The following PCDH15 variants were observed in gnomAD, a reference collection of about 807,000 sequenced individuals.
PCDH15 encodes the protein protocadherin related 15.
A neutral mutation model predicts 178.5 loss-of-function variants in PCDH15; 129 were observed. The observed-to-expected ratio is 0.72, with a 90% CI of 0.63 to 0.84. PCDH15 has a LOEUF of 0.84. Among genes scored for constraint, PCDH15 ranks in the 40% least tolerant of loss-of-function variants. PCDH15 has a pLI of 0.00. For synonymous variants in PCDH15, 800 were observed against 732.0 expected (o/e 1.09, Z -1.50); for missense variants, 2,230 against 2,099.9 (o/e 1.06, Z -1.21).
At chr10:55,582,263 A>G (rs1382239934) in intron 2 of PCDH15, among the ~76,000 whole-genome samples, 1 of 152,158 alleles carries the variant, frequency 6.6e-6, no homozygotes, top group African/African-American at 2.4e-5. Flanking sequence ...AACAGTTTCT[A>G]AATAGTGGCC....
chr10:55,509,021 C>CA (rs369849281), intron 2 of PCDH15, among the ~76,000 whole-genome samples: 186 of 151,732 alleles, frequency 1.2e-3, no homozygotes, highest in African/African-American at 4.3e-3. Context: ...ACATAAAATA[C>CA]ACTTAATATA....
chr10:54,868,625 A>C (rs1953981255), intron 3 of PCDH15, among the ~76,000 whole-genome samples: 1 of 152,152 alleles, frequency 6.6e-6, no homozygotes, highest in Non-Finnish European at 1.5e-5. Context: ...ATTTCAAATC[A>C]GGCTACTTCT....
At chr10:54,436,041 AGAGAGAGAGAAAAGAAAG>A (rs1565270782) in intron 3 of PCDH15, among the ~76,000 whole-genome samples, 1 of 140,550 alleles carries the variant, frequency 7.1e-6, no homozygotes, top group Non-Finnish European at 1.5e-5. Context: ...GGAGAGAGAG[AGAGAGAGAGAAAAGAAAG>A]AAAGAAAGAA....
intron 15 of PCDH15, among the ~76,000 whole-genome samples, chr10:54,125,232 C>T (rs2041892718): frequency 6.6e-6 from 1 of 151,790 alleles, no homozygotes; most frequent in Non-Finnish European, 1.5e-5. Flanking sequence ...TTTTCTCCTG[C>T]TATTTGTCTC....
At chr10:54,227,863 T>C (rs1212854413) in intron 9 of PCDH15, among the ~76,000 whole-genome samples, 1 of 152,198 alleles carries the variant, frequency 6.6e-6, no homozygotes, top group Non-Finnish European at 1.5e-5. Context: ...CCAGTCTTTT[T>C]GCTAAAACAT....
At position 54,018,217 on chromosome 10, in the gene PCDH15, G is replaced by T. The variant is rs2092804818; in HGVS notation, c.2751+1975C>A. ...ACTAAGGTCCCTCAGAGACATTTGT[G>T]TTGCACATGCAGAATCTGAATGATC... On this transcript the variant is annotated intron_variant, in intron 20 of 37. Transcript: ENST00000644397. Among the ~76,000 whole-genome samples, 4 of 152,078 alleles carry T rather than the reference G, an allele frequency of 2.6e-5. No homozygotes were observed. The South Asian group carries it at 8.3e-4, about 31-fold the overall frequency.
intron 26 of PCDH15, among the ~76,000 whole-genome samples, chr10:53,899,431 T>C (rs61858329): frequency 0.015 from 2,224 of 152,292 alleles, 37 homozygotes; most frequent in Admixed American, 0.018. Flanking sequence ...AATTCACTAC[T>C]CATCTTTTAA....
intron 2 of PCDH15, among the ~76,000 whole-genome samples, chr10:55,526,462 T>C (rs1841303434): frequency 6.6e-6 from 1 of 152,000 alleles, no homozygotes. Flanking sequence ...CAGAATGTAA[T>C]TAATATTTCC....
chr10:53,901,859 G>A (rs2082357519), intron 26 of PCDH15, among the ~76,000 whole-genome samples: 2 of 152,058 alleles, frequency 1.3e-5, no homozygotes, highest in Admixed American at 6.6e-5. Context: ...ATCTAAAATT[G>A]CACCACTCTC....
intron 3 of PCDH15, among the ~76,000 whole-genome samples, chr10:54,433,742 G>A (rs1370643462): frequency 6.6e-6 from 1 of 151,982 alleles, no homozygotes; most frequent in Non-Finnish European, 1.5e-5. Context: ...AGGGGATGGA[G>A]ACTCAATTTT....
At chr10:54,159,859 A>C (rs866252441) in intron 13 of PCDH15, among the ~76,000 whole-genome samples, 4 of 152,238 alleles carry the variant, frequency 2.6e-5, no homozygotes, top group Non-Finnish European at 5.9e-5. Flanking sequence ...GGAAATATTT[A>C]AATGAGTATT....
intron 2 of PCDH15, among the ~76,000 whole-genome samples, chr10:55,604,641 GACTACTGGGTACATA>G (rs1843169167): frequency 1.3e-5 from 2 of 149,150 alleles, no homozygotes. Context: ...GCTCCTGAAT[GACTACTGGGTACATA>G]ACGAAATGAA....
At chr10:55,471,260 T>A (rs1839950397) in intron 2 of PCDH15, among the ~76,000 whole-genome samples, 1 of 152,218 alleles carries the variant, frequency 6.6e-6, no homozygotes, top group Non-Finnish European at 1.5e-5. Flanking sequence ...TTTACTTTAA[T>A]GAGTATAAAA....
At chr10:53,812,003 G>A (rs935000663) in intron 35 of PCDH15, among the ~76,000 whole-genome samples, 1 of 151,944 alleles carries the variant, frequency 6.6e-6, no homozygotes, top group African/African-American at 2.4e-5. Context: ...AGTGATGTTG[G>A]CCTTAAGAAA....
At chr10:54,612,053 G>A (rs1355989934) in intron 2 of PCDH15, among the ~76,000 whole-genome samples, 2 of 151,822 alleles carry the variant, frequency 1.3e-5, no homozygotes, top group Non-Finnish European at 2.9e-5. Context: ...ATGTGTCTTT[G>A]AACCTTCTGG....
intron 21 of PCDH15, among the ~76,000 whole-genome samples, chr10:53,982,565 C>G (rs183398713): frequency 5.3e-4 from 79 of 150,030 alleles, no homozygotes; most frequent in Non-Finnish European, 7.7e-4. Context: ...CAAACTATCA[C>G]AAGGACAAAA....
chr10:54,571,010 G>GT (rs1381944213), intron 2 of PCDH15, among the ~76,000 whole-genome samples: 37 of 151,752 alleles, frequency 2.4e-4, no homozygotes, highest in African/African-American at 9.0e-4. Context: ...GAATTCTTAG[G>GT]TTTGACCTTG....
intron 14 of PCDH15, among the ~76,000 whole-genome samples, chr10:54,141,735 A>G (rs2043428014): frequency 6.6e-6 from 1 of 152,198 alleles, no homozygotes; most frequent in Non-Finnish European, 1.5e-5. Context: ...AAATCCATTT[A>G]TCTCTGATGG....
At chr10:55,474,372 A>G (rs997953180) in intron 2 of PCDH15, among the ~76,000 whole-genome samples, 1 of 152,162 alleles carries the variant, frequency 6.6e-6, no homozygotes, top group African/African-American at 2.4e-5. Flanking sequence ...ATATTTTTGA[A>G]TCATTAAACT....
Sources: gnomAD v4.1 joint callset for allele counts (sites outside exome capture counted in the v4.1 genomes callset) on GRCh38, gnomAD v4.1.1 for gene constraint, MANE v1.5 for transcripts, NCBI Gene and HGNC (gene_info 2026-07-23, HGNC 2026-07-21) for gene names.